Variants in EEF1D observed in about 807,000 individuals in gnomAD.
EEF1D encodes the protein elongation factor 1-delta.
A neutral mutation model predicts 63.9 loss-of-function variants in EEF1D; 47 were observed. The ratio of observed to expected loss-of-function variants is 0.74; its 90% CI spans 0.58 to 0.94. The LOEUF is 0.94. Ranked by LOEUF, EEF1D falls within the 40% of genes least tolerant of loss-of-function variation. The pLI, the probability that EEF1D is intolerant of heterozygous loss-of-function variation, is 0.00. For missense variants in EEF1D, 907 were observed against 899.0 expected (o/e 1.01, Z -0.11); for synonymous variants, 412 against 386.1 (o/e 1.07, Z -0.79).
At chr8:143,581,182 A>G in intron 6 of EEF1D, 28 bp from the exon 7 acceptor site, 1 of 1,612,798 alleles carries the variant, frequency 6.2e-7, no homozygotes, top group Non-Finnish European at 8.5e-7. Flanking sequence ...GCACGGTTAG[A>G]TGGCAGGGGC....
Position 143,580,070 on chromosome 8 carries a change from T to C in EEF1D, c.1847A>G (p.Glu616Gly), listed in dbSNP as rs778277621. The stretch of plus-strand genomic sequence containing the variant: ...CAAGTCTGTCCCCACCTTGTCGTCC[T>C]CCACCACACACTGAATCTGTAGCTT... ...IRKLQIQCVV[E>G]DDKVGTDLLE... Residue 616 changes from glutamate (E) to glycine (G), a missense_variant, in exon 9 of 10, where the codon GAG (glutamate) becomes GGG (glycine). Glu to Gly is a moderately conservative substitution (Grantham distance 98). Coordinates refer to ENST00000618139, the MANE Select transcript of EEF1D (RefSeq NM_001130053.5). 1.9e-6 allele frequency: 3 copies of C among 1,614,028 alleles called. No homozygotes were observed. Among genetic ancestry groups the C allele is most frequent in the East Asian group, 2.2e-5 (1 of 44,874 alleles).
In EEF1D at chr8:143,592,147, G is replaced by A. The variant is rs918653360; in HGVS notation, c.-1+500C>T. ...TGGGTTGGGGGTGGGGTGGGAGCAAGAGCCCAGGAGACAGGGCATTGTGAC... is the reference window on the plus strand; with the variant it reads ...TGGGTTGGGGGTGGGGTGGGAGCAAAAGCCCAGGAGACAGGGCATTGTGAC... On this transcript the variant is annotated intron_variant, in intron 2 of 9. Coordinates refer to ENST00000618139, the MANE Select transcript of EEF1D (RefSeq NM_001130053.5). 5 of 985,396 alleles carry A rather than the reference G, an allele frequency of 5.1e-6. No individual in the cohort carries two copies. The Admixed American group carries it at 3.1e-4, about 61-fold the overall frequency. 61.0% of individuals were successfully genotyped at this position (985,396 alleles called of 1,614,324 possible). A position where few individuals can be genotyped will look rare whatever the true frequency, so the allele number is the denominator to read the frequency against.
chr8:143,592,533 C>T (rs1461924361), intron 2 of EEF1D, 114 bp downstream of exon 2: 7 of 917,544 alleles, frequency 7.6e-6, no homozygotes, highest in Admixed American at 6.2e-5. Flanking sequence ...CTGAGGCCCT[C>T]TGGGCAGACT....
rs746462587 is a variant in EEF1D at position 143,589,258 on chromosome 8, C to G, written c.824G>C (p.Arg275Pro). 23 of 1,585,180 alleles carry G rather than the reference C, an allele frequency of 1.5e-5. No homozygotes were observed. The highest frequency in any genetic ancestry group is 1.8e-5 in the Admixed American group (1 of 56,684). Residue 275 changes from arginine to proline, a missense_variant, in exon 3 of 10, where the codon CGC (arginine) becomes CCC (proline). Coordinates refer to ENST00000618139, the MANE Select transcript of EEF1D (RefSeq NM_001130053.5). ...GATGTTGCGGCCCCGCCGGTCTCTG[C>G]GGCCCCGCCGGGCACCCTCGGCCAG... ...AGLAEGARRG[R>P]RDRRGRNILG...
chr8:143,580,587 C>T lies in EEF1D; in HGVS notation c.1629G>A (p.Glu543=), dbSNP rs748850388. Residue 543 remains glutamate, a synonymous_variant, in exon 8 of 10, where the codon GAG becomes GAA. Transcript: ENST00000618139. ...TCTTCTCCGCGTACTGCCGTAGCCG[C>T]TCCTCCCGCAGCTGTGCCGCCTCCT... ...EDKEAAQLRE[E]RLRQYAEKKA... is the part of the protein sequence containing the mutation. 7 of 1,613,686 alleles carry T rather than the reference C, an allele frequency of 4.3e-6. No homozygotes were observed. In the South Asian group the frequency reaches 6.6e-5, roughly 15 times the overall value.
chr8:143,591,592 C>A (rs1049742445), intron 2 of EEF1D, among the ~76,000 whole-genome samples: 3 of 152,238 alleles, frequency 2.0e-5, no homozygotes, highest in Non-Finnish European at 4.4e-5. Context: ...CAAGAGGGGG[C>A]TGTGCAGCTG....
rs768145252 is a variant in EEF1D, at chr8:143,589,794, G to T, written c.288C>A (p.Leu96=). The change falls in exon 3 of 10, where the codon CTC becomes CTA. Residue 96 remains leucine (L), a synonymous_variant. Coordinates refer to ENST00000618139, the MANE Select transcript of EEF1D (RefSeq NM_001130053.5). ...KKRKRSPKSG[L]GPADLALLGL... ...CCAGGAGGGCCAGGTCCGCGGGGCC[G>T]AGCCCGCTCTTGGGGGAGCGCTTCC... 3 of 1,582,438 alleles carry T rather than the reference G, an allele frequency of 1.9e-6. No individual in the cohort carries two copies. The highest frequency in any genetic ancestry group is 2.6e-6 in the Non-Finnish European group (3 of 1,165,072).
At chr8:143,592,728 G>A in intron 1 of EEF1D, 68 bp from the exon 2 acceptor site, 1 of 985,346 alleles carries the variant, frequency 1.0e-6, no homozygotes, top group Non-Finnish European at 1.2e-6. Flanking sequence ...GTCAGACACA[G>A]CAGCAGGTCA....
At chr8:143,590,271 G>T in intron 2 of EEF1D, 190 bp from the exon 3 acceptor site, 1 of 890,032 alleles carries the variant, frequency 1.1e-6, no homozygotes. Context: ...GCCCATGTGG[G>T]GACGTTTTGT....
rs188798743 is a variant in EEF1D, at chr8:143,590,282, T to G, written c.1-201A>C. ...TCAAGCCCATGTGGGGACGTTTTGT[T>G]GTGAAGAGAAAACAGGCCGGGCGCA... On this transcript the variant is annotated intron_variant, in intron 2 of 9. Coordinates refer to ENST00000618139, the MANE Select transcript of EEF1D (RefSeq NM_001130053.5). The G allele has an allele frequency of 2.9e-3, 2,418 of 834,320 alleles. 73 individuals are homozygous for G. The highest frequency in any genetic ancestry group is 3.1e-4 in the Non-Finnish European group (166 of 532,008). 51.7% of individuals were successfully genotyped at this position (834,320 alleles called of 1,614,324 possible).
intron 3 of EEF1D, among the ~76,000 whole-genome samples, chr8:143,588,649 A>G (rs1827186865): frequency 6.6e-6 from 1 of 152,172 alleles, no homozygotes. Flanking sequence ...AAGTAGCCTT[A>G]TCTTCTCAGC....
rs761143085 is a variant in EEF1D at position 143,588,046 on chromosome 8, G to A, written c.1091+945C>T. Among the ~76,000 whole-genome samples, 15 of 152,122 alleles carry A rather than the reference G, an allele frequency of 9.9e-5. 1 individual carries two copies. Among genetic ancestry groups the A allele is most frequent in the East Asian group, 1.9e-4 (1 of 5,192 alleles). On this transcript the variant is annotated intron_variant, in intron 3 of 9. Coordinates refer to ENST00000618139, the MANE Select transcript of EEF1D (RefSeq NM_001130053.5). ...GCTGGAGTCTGTGAGCGTCCTCTGC[G>A]TCCCTGACCCAGGACACTCTCTCGG...
chr8:143,584,523 T>C (rs1473683214), intron 5 of EEF1D, among the ~76,000 whole-genome samples: 1 of 152,006 alleles, frequency 6.6e-6, no homozygotes, highest in East Asian at 1.9e-4. Flanking sequence ...GCCAGGATCA[T>C]GCCACTGTAC....
rs1215479960 is a variant in EEF1D, at chr8:143,593,879, C to G, written c.-14-1219G>C. The G allele has an allele frequency of 5.1e-6, 5 of 985,324 alleles. No individual in the cohort carries two copies. The African/African-American group carries it at 7.0e-5, about 14-fold the overall frequency. 61.0% of individuals were successfully genotyped at this position (985,324 alleles called of 1,614,324 possible). Reference sequence around the variant, plus strand: ...CATTCCCAAGCATGGGAGGACCTGCCGGACGCAGCGCACCATCTCTCCTAA... The same window carrying G: ...CATTCCCAAGCATGGGAGGACCTGCGGGACGCAGCGCACCATCTCTCCTAA... On this transcript the variant is annotated intron_variant, in intron 1 of 9. Transcript: ENST00000618139.
rs374177098 is a variant in EEF1D, at chr8:143,589,476, C to T, written c.606G>A (p.Gln202=). ...RRQGTPNTGQ[Q]VAVPDLAHQP... ...GGTGGGCCAGGTCGGGGACGGCCAC[C>T]TGCTGGCCTGTGTTGGGAGTCCCCT... Residue 202 remains glutamine (Q), a synonymous_variant, in exon 3 of 10, where the codon CAG becomes CAA. Coordinates refer to ENST00000618139, the MANE Select transcript of EEF1D (RefSeq NM_001130053.5). 40 of 1,531,738 alleles carry T rather than the reference C, an allele frequency of 2.6e-5. No individual in the cohort carries two copies. The highest frequency in any genetic ancestry group is 3.2e-5 in the Non-Finnish European group (36 of 1,136,250). The allele number at this position is 1,531,738 out of a possible 1,614,324, so 94.9% of individuals were successfully genotyped here.
chr8:143,589,181 C>T lies in EEF1D; in HGVS notation c.901G>A (p.Ala301Thr). 1.3e-6 allele frequency: 2 copies of T among 1,598,636 alleles called. No individual in the cohort carries two copies. The highest frequency in any genetic ancestry group is 1.1e-5 in the South Asian group (1 of 89,644). The change falls in exon 3 of 10, where the codon GCC becomes ACC. Residue 301 changes from alanine (A) to threonine (T), a missense_variant. By Grantham distance (58) the Ala-to-Thr change is moderately conservative. Coordinates refer to ENST00000618139, the MANE Select transcript of EEF1D (RefSeq NM_001130053.5). ...LRRADGEAPS[A>T]LPYCYFLQKD... Reference sequence around the variant, plus strand: ...TGCAGGAAGTAACAGTAGGGCAAGGCAGAGGGGGCCTCCCCATCGGCCCGT... The same window carrying T: ...TGCAGGAAGTAACAGTAGGGCAAGGTAGAGGGGGCCTCCCCATCGGCCCGT...
In EEF1D at chr8:143,584,598, C is replaced by G. The variant is rs182650719; in HGVS notation, c.1287+1621G>C. Reference sequence around the variant, plus strand: ...ACCCACCCCCTCCAAAAGAAAAACCCTAGCCTGTCTTGAGCACCCTGTTGG... The same window carrying G: ...ACCCACCCCCTCCAAAAGAAAAACCGTAGCCTGTCTTGAGCACCCTGTTGG... On this transcript the variant is annotated intron_variant, in intron 5 of 9. Coordinates refer to ENST00000618139, the MANE Select transcript of EEF1D (RefSeq NM_001130053.5). Among the ~76,000 whole-genome samples, 699 of 152,134 alleles carry G rather than the reference C, an allele frequency of 4.6e-3. 2 individuals carry two copies. Among genetic ancestry groups the G allele is most frequent in the Middle Eastern group, 0.024 (7 of 294 alleles).
chr8:143,580,637 C>G lies in EEF1D; in HGVS notation c.1579G>C (p.Gly527Arg). 1 of 1,613,918 alleles carries G rather than the reference C, an allele frequency of 6.2e-7. No individual in the cohort carries two copies. The highest frequency in any genetic ancestry group is 2.2e-5 in the East Asian group (1 of 44,892). The change falls in exon 8 of 10, where the codon GGC (glycine) becomes CGC (arginine). Residue 527 changes from glycine to arginine, a missense_variant. Transcript: ENST00000618139. ...TTGTCCTCCTCCTCATTGTCACTGC[C>G]AAACAGGTCAATGTCATCATCCTCG... ...DDEDDDIDLF[G>R]SDNEEEDKEA...
intron 5 of EEF1D, chr8:143,582,864 C>T (rs1354569061): frequency 2.6e-5 from 4 of 152,240 alleles, no homozygotes; most frequent in Admixed American, 6.5e-5. Context: ...CAAAGGCAAA[C>T]ACTTCAGAGC....
Sources: gnomAD v4.1 joint callset for allele counts (sites outside exome capture counted in the v4.1 genomes callset) on GRCh38, gnomAD v4.1.1 for gene constraint, MANE v1.5 for transcripts, NCBI Gene and HGNC (gene_info 2026-07-23, HGNC 2026-07-21) for gene names.